Variants in KIF21B observed in about 807,000 individuals in gnomAD.
The protein encoded by KIF21B is kinesin-like protein KIF21B.
KIF21B carries 85 observed loss-of-function variants against 192.9 expected under a neutral mutation model. The observed-to-expected ratio is 0.44, with a 90% CI of 0.37 to 0.53. The LOEUF (loss-of-function observed/expected upper bound fraction) is 0.53, where lower values mean the gene tolerates loss of function less well. KIF21B is among the 20% of genes least tolerant of loss of function. The probability of loss-of-function intolerance (pLI) is 0.00; values close to 1 mark genes in which losing one functional copy is unlikely to be tolerated. For synonymous variants in KIF21B, 832 were observed against 884.6 expected (o/e 0.94, Z 1.05); for missense variants, 1,716 against 2,194.8 (o/e 0.78, Z 4.36).
At chr1:200,987,815 G>A (rs1174794271) in intron 24 of KIF21B, among the ~76,000 whole-genome samples, 1 of 152,046 alleles carries the variant, frequency 6.6e-6, no homozygotes, top group Non-Finnish European at 1.5e-5. Flanking sequence ...TTCCCTCCTT[G>A]TCTCCTTAAT....
chr1:200,975,685 C>T lies in KIF21B; in HGVS notation c.4444-16G>A. On this transcript the variant is annotated splice_polypyrimidine_tract_variant and intron_variant, in intron 32 of 34. Transcript: ENST00000461742. This position sits in a 1 kb window ranked among gnomAD's most constrained non-coding sequence, Gnocchi z 4.3. ...GCTCGAACATCTGTGGGAGGAGGGGCCAGTAGGGAGAGGCCAAGTGGGAGG... is the reference window on the plus strand; with the variant it reads ...GCTCGAACATCTGTGGGAGGAGGGGTCAGTAGGGAGAGGCCAAGTGGGAGG... 1 of 1,596,154 alleles carries T rather than the reference C, an allele frequency of 6.3e-7. No homozygotes were observed.
intron 27 of KIF21B, among the ~76,000 whole-genome samples, chr1:200,984,608 C>T (rs1247509651): frequency 1.3e-5 from 2 of 152,224 alleles, no homozygotes; most frequent in African/African-American, 4.8e-5. Flanking sequence ...ACTGCCCGGC[C>T]CCAATCCCTG....
In KIF21B at chr1:200,991,051, C is replaced by G; in HGVS notation, c.2553G>C (p.Ser851=). 6.2e-7 allele frequency: 1 copy of G among 1,614,144 alleles called. No homozygotes were observed. The highest frequency in any genetic ancestry group is 8.5e-7 in the Non-Finnish European group (1 of 1,180,052). ...CAGCCTCAGATGAGGTAGTGCTGGCCGACACCTCAGCCCCAGAGTCCAGCA... is the reference window on the plus strand; with the variant it reads ...CAGCCTCAGATGAGGTAGTGCTGGCGGACACCTCAGCCCCAGAGTCCAGCA... ...PPMLDSGAEV[S]ASTTSSEAES... Residue 851 remains serine, a synonymous_variant, in exon 18 of 35, where the codon TCG becomes TCC. Transcript: ENST00000461742.
Position 200,999,142 on chromosome 1 carries a change from G to A in KIF21B, c.1885+207C>T, listed in dbSNP as rs2102433264. On this transcript the variant is annotated intron_variant, in intron 13 of 34. Transcript: ENST00000461742. The surrounding 1 kb of genome is among the most constrained non-coding windows in gnomAD (Gnocchi z 4.7). ...CTGAAAGAACCTAGCCGCTCAAAGG[G>A]TTAAGGTAAGCACAGTGCCTGGCAC... Among the ~76,000 whole-genome samples, 1 of 152,276 alleles carries A rather than the reference G, an allele frequency of 6.6e-6. No homozygotes were observed. The highest frequency in any genetic ancestry group is 1.5e-5 in the Non-Finnish European group (1 of 68,020).
chr1:200,998,361 G>T lies in KIF21B; in HGVS notation c.2077+23C>A, dbSNP rs772875794. The T allele has an allele frequency of 6.3e-7, 1 of 1,598,556 alleles. No individual in the cohort carries two copies. Among genetic ancestry groups the T allele is most frequent in the Non-Finnish European group, 8.5e-7 (1 of 1,170,616 alleles). On this transcript the variant is annotated intron_variant, in intron 14 of 34. Coordinates refer to ENST00000461742, the MANE Select transcript of KIF21B (RefSeq NM_001252102.2). The surrounding 1 kb of genome is among the most constrained non-coding windows in gnomAD (Gnocchi z 4.3). Reference sequence around the variant, plus strand: ...GAAAAGGGAGGGTCCGGATGGGGTGGAGGGGCATGGCGGTGGCCTCACTGA... The same window carrying T: ...GAAAAGGGAGGGTCCGGATGGGGTGTAGGGGCATGGCGGTGGCCTCACTGA...
chr1:200,999,986 G>C lies in KIF21B; in HGVS notation c.1686-22C>G, dbSNP rs751969740. On this transcript the variant is annotated intron_variant, in intron 11 of 34. Transcript: ENST00000461742. The surrounding 1 kb of genome is among the most constrained non-coding windows in gnomAD (Gnocchi z 4.7). The stretch of plus-strand genomic sequence containing the variant: ...GGGGCTGCTCAGGGAGGACAGGGAA[G>C]CTGGATTAGGAAGGCTGCCCCTGCC... 5.8e-5 allele frequency: 93 copies of C among 1,610,356 alleles called. No individual in the cohort carries two copies. The highest frequency in any genetic ancestry group is 7.7e-5 in the Non-Finnish European group (91 of 1,177,476).
chr1:201,005,327 A>G lies in KIF21B; in HGVS notation c.713T>C (p.Met238Thr). 1 of 1,608,000 alleles carries G rather than the reference A, an allele frequency of 6.2e-7. No homozygotes were observed. The highest frequency in any genetic ancestry group is 1.1e-5 in the South Asian group (1 of 90,268). ...CCTCACCAGGTCGGGCTGGGTGCAC[A>G]TGCGCATCTGGCACAGGTGGATGGT... ...IFTIHLCQMR[M>T]CTQPDLVNEA... Residue 238 changes from methionine (M) to threonine (T), a missense_variant, in exon 5 of 35, where the codon ATG (methionine) becomes ACG (threonine). This residue lies in a region of KIF21B where 1,087 missense variants were observed against 1,316.6 expected (regional missense o/e 0.83). Transcript: ENST00000461742.
intron 21 of KIF21B, among the ~76,000 whole-genome samples, 171 bp downstream of exon 21, chr1:200,989,771 G>A (rs543706607): frequency 3.3e-5 from 5 of 152,366 alleles, no homozygotes; most frequent in Middle Eastern, 3.4e-3. Context: ...TGGTATGGTC[G>A]TCCTCTCAGC....
In KIF21B at chr1:200,998,341, G is replaced by C; in HGVS notation, c.2077+43C>G. The C allele has an allele frequency of 6.4e-7, 1 of 1,563,446 alleles. No individual in the cohort carries two copies. Among genetic ancestry groups the C allele is most frequent in the Non-Finnish European group, 8.7e-7 (1 of 1,147,400 alleles). ...TGACAGAGGAGGGGCTCAGGGAAAA[G>C]GGAGGGTCCGGATGGGGTGGAGGGG... On this transcript the variant is annotated intron_variant, in intron 14 of 34. Coordinates refer to ENST00000461742, the MANE Select transcript of KIF21B (RefSeq NM_001252102.2). The surrounding 1 kb of genome is among the most constrained non-coding windows in gnomAD (Gnocchi z 4.3).
chr1:201,009,210 T>C, intron 2 of KIF21B, 56 bp downstream of exon 2: 1 of 1,505,088 alleles, frequency 6.6e-7, no homozygotes, highest in Admixed American at 1.8e-5. Flanking sequence ...TTCTCTCCAT[T>C]GGATGCAGGG....
rs754074613 is a variant in KIF21B, at chr1:200,985,024, G to A, written c.3690-52C>T. On this transcript the variant is annotated intron_variant, in intron 26 of 34. Coordinates refer to ENST00000461742, the MANE Select transcript of KIF21B (RefSeq NM_001252102.2). ...TGTTAGTGACCACCCCTGCCCACAG[G>A]CCCCTACTTGGTGCTGGGCTTCCAC... is the stretch of plus-strand genomic sequence containing the variant. 10 of 1,330,312 alleles carry A rather than the reference G, an allele frequency of 7.5e-6. No individual in the cohort carries two copies. The East Asian group carries it at 1.0e-4, about 14-fold the overall frequency. 82.4% of individuals were successfully genotyped at this position (1,330,312 alleles called of 1,614,324 possible). A position where few individuals can be genotyped will look rare whatever the true frequency, so the allele number is the denominator to read the frequency against.
In KIF21B at chr1:200,991,736, C is replaced by G; in HGVS notation, c.2386-11G>C. Reference sequence around the variant, plus strand: ...AGCTCGGATCTGAAACTGTGGGAGACAGAAGAGGGCTGGGCTCCACACTCA... The same window carrying G: ...AGCTCGGATCTGAAACTGTGGGAGAGAGAAGAGGGCTGGGCTCCACACTCA... On this transcript the variant is annotated splice_polypyrimidine_tract_variant and intron_variant, in intron 16 of 34. Transcript: ENST00000461742. 2 of 1,613,860 alleles carry G rather than the reference C, an allele frequency of 1.2e-6. No individual in the cohort carries two copies. Among genetic ancestry groups the G allele is most frequent in the Non-Finnish European group, 1.7e-6 (2 of 1,179,902 alleles).
At position 201,017,339 on chromosome 1, in the gene KIF21B, C is replaced by A. The variant is rs1385742948; in HGVS notation, c.41+6004G>T. On this transcript the variant is annotated intron_variant, in intron 1 of 34. Coordinates refer to ENST00000461742, the MANE Select transcript of KIF21B (RefSeq NM_001252102.2). The surrounding 1 kb of genome is among the most constrained non-coding windows in gnomAD (Gnocchi z 4.1). ...TTGGCCACACAAGCCTGGCTGTGAG[C>A]AGGAGCCAGGAACTTCCTGGGCCAG... is the stretch of plus-strand genomic sequence containing the variant. Among the ~76,000 whole-genome samples the A allele has an allele frequency of 6.6e-6, 1 of 152,194 alleles. No individual in the cohort carries two copies. The highest frequency in any genetic ancestry group is 2.4e-5 in the African/African-American group (1 of 41,442).
In KIF21B at chr1:200,991,665, T is replaced by A. The variant is rs779492718; in HGVS notation, c.2446A>T (p.Thr816Ser). ...CCCTCGAGTGAGCTCACCTCCTGGG[T>A]CTTCCTCCTCAGGACCATCTCCTGC... ...RQQEMVLRRK[T>S]QEVSALRRLA... Residue 816 changes from threonine (T) to serine (S), a missense_variant, in exon 17 of 35, where the codon ACC (threonine) becomes TCC (serine). Thr to Ser is a moderately conservative substitution (Grantham distance 58). Coordinates refer to ENST00000461742, the MANE Select transcript of KIF21B (RefSeq NM_001252102.2). The A allele has an allele frequency of 2.5e-6, 4 of 1,613,930 alleles. No homozygotes were observed. Among genetic ancestry groups the A allele is most frequent in the Non-Finnish European group, 3.4e-6 (4 of 1,180,000 alleles).
chr1:200,996,135 T>G (rs907667789), intron 15 of KIF21B, 61 bp downstream of exon 15: 28 of 1,463,722 alleles, frequency 1.9e-5, no homozygotes, highest in Non-Finnish European at 2.7e-5. Flanking sequence ...CGATGGTGAG[T>G]GGATTCTAAG....
Position 200,992,332 on chromosome 1 carries a change from T to C in KIF21B, c.2335A>G (p.Lys779Glu), listed in dbSNP as rs2102415502. The part of the protein sequence containing the change: ...EQQRRRLVET[K>E]RNREIAQLKK... The stretch of plus-strand genomic sequence containing the variant: ...AGCTGTGCGATCTCCCGGTTCCTCT[T>C]GGTCTCCACTAGCCGCCGCCGCTGT... Residue 779 changes from lysine (K) to glutamate (E), a missense_variant, in exon 16 of 35, where the codon AAG (lysine) becomes GAG (glutamate). Lys to Glu is a moderately conservative substitution (Grantham distance 56). Coordinates refer to ENST00000461742, the MANE Select transcript of KIF21B (RefSeq NM_001252102.2). The C allele has an allele frequency of 1.2e-6, 2 of 1,613,212 alleles. No homozygotes were observed. The highest frequency in any genetic ancestry group is 1.7e-6 in the Non-Finnish European group (2 of 1,180,034).
At position 201,005,417 on chromosome 1, in the gene KIF21B, GC is replaced by G; in HGVS notation, c.622del (p.Ala208ProfsTer11). 3 of 1,610,958 alleles carry G rather than the reference GC, an allele frequency of 1.9e-6. No individual in the cohort carries two copies. The highest frequency in any genetic ancestry group is 2.5e-6 in the Non-Finnish European group (3 of 1,178,196). On this transcript the variant is annotated frameshift_variant, in exon 5 of 35. Transcript: ENST00000461742. LOFTEE classifies it high-confidence loss of function. ...GGTGCTGGCTGTGGTGCGGGACAGGGCCCCCTGCTTCAGGCACTGGATCAGC... is the reference window on the plus strand; with the variant it reads ...GGTGCTGGCTGTGGTGCGGGACAGGGCCCCTGCTTCAGGCACTGGATCAGC... The part of the protein sequence containing the change: ...EELIQCLKQG[A>X]LSRTTASTQM...
At chr1:201,003,883 C>T in intron 7 of KIF21B, 102 bp from the exon 8 acceptor site, 1 of 1,200,942 alleles carries the variant, frequency 8.3e-7, no homozygotes, top group Non-Finnish European at 1.2e-6. Flanking sequence ...TCCCCCACTA[C>T]CTTAATGCCC....
intron 1 of KIF21B, among the ~76,000 whole-genome samples, chr1:201,014,265 C>A (rs1297452612): frequency 2.6e-5 from 4 of 152,218 alleles, no homozygotes; most frequent in African/African-American, 9.6e-5. Context: ...GGCTGGGGAG[C>A]CCCTATCCTC....
Sources: gnomAD v4.1 joint callset for allele counts (sites outside exome capture counted in the v4.1 genomes callset) on GRCh38, gnomAD v4.1.1 for gene constraint, gnomAD v4.1.1 regional missense constraint, Gnocchi (gnomAD v3.1) non-coding constraint, MANE v1.5 for transcripts, NCBI Gene and HGNC (gene_info 2026-07-23, HGNC 2026-07-21) for gene names.